Variants in MORC3 observed in about 807,000 individuals in gnomAD.
MORC3 encodes the protein MORC family CW-type zinc finger protein 3.
MORC3 carries 31 observed loss-of-function variants against 109.1 expected under a neutral mutation model. The observed-to-expected ratio is 0.28, with a 90% CI of 0.21 to 0.38. The LOEUF is 0.38. MORC3 is among the 10% of genes least tolerant of loss of function. MORC3 has a pLI of 1.00. For missense variants in MORC3, 867 were observed against 1,135.8 expected (o/e 0.76, Z 3.40); for synonymous variants, 395 against 380.7 (o/e 1.04, Z -0.44).
chr21:36,357,480 A>G (rs563917820), intron 10 of MORC3, among the ~76,000 whole-genome samples: 22 of 152,168 alleles, frequency 1.4e-4, no homozygotes, highest in African/African-American at 4.3e-4. Context: ...GCTGGTCTCA[A>G]TGTCCTGGGT....
At chr21:36,337,132 C>T (rs2085382906) in intron 3 of MORC3, 126 bp downstream of exon 3, 1 of 1,111,990 alleles carries the variant, frequency 9.0e-7, no homozygotes, top group Non-Finnish European at 1.2e-6. Context: ...GTGAGCTGTT[C>T]TCTAAGCATG....
In MORC3 at chr21:36,338,802, A is replaced by G. The variant is rs2085402871; in HGVS notation, c.489A>G (p.Lys163=). 1.2e-6 allele frequency: 2 copies of G among 1,613,812 alleles called. No individual in the cohort carries two copies. Among genetic ancestry groups the G allele is most frequent in the Non-Finnish European group, 1.7e-6 (2 of 1,179,850 alleles). The part of the protein sequence containing the change: ...HRQMINLAES[K]ASLAAILEHS... ...AGATGATTAATTTAGCAGAATCAAA[A>G]GCCAGCCTTGCTGCAATTCTGGAAC... The change falls in exon 5 of 17, where the codon AAA becomes AAG. Residue 163 remains lysine, a synonymous_variant. Coordinates refer to ENST00000400485, the MANE Select transcript of MORC3 (RefSeq NM_015358.3).
At chr21:36,345,173 CTG>C (rs1185847848) in intron 8 of MORC3, 142 bp downstream of exon 8, 6 of 902,024 alleles carry the variant, frequency 6.7e-6, no homozygotes, top group Non-Finnish European at 9.7e-6. Flanking sequence ...AAAAATAACA[CTG>C]TGGTATTTGA....
At chr21:36,321,886 A>G (rs2085198643) in intron 1 of MORC3, among the ~76,000 whole-genome samples, 1 of 151,976 alleles carries the variant, frequency 6.6e-6, no homozygotes, top group African/African-American at 2.4e-5. Flanking sequence ...GATTGAGGGG[A>G]GAAAGGAAGC....
intron 14 of MORC3, among the ~76,000 whole-genome samples, chr21:36,365,552 A>C (rs1161666009): frequency 1.3e-5 from 2 of 152,170 alleles, no homozygotes; most frequent in African/African-American, 4.8e-5. Context: ...TATAAATCAA[A>C]GAGGGCATAT....
chr21:36,365,636 C>T (rs2085772031), intron 14 of MORC3, among the ~76,000 whole-genome samples: 1 of 152,116 alleles, frequency 6.6e-6, no homozygotes, highest in Non-Finnish European at 1.5e-5. Flanking sequence ...AGCTGGAGTG[C>T]AATGGTGCAA....
chr21:36,328,821 T>C (rs1187817942), intron 1 of MORC3, among the ~76,000 whole-genome samples: 3 of 150,190 alleles, frequency 2.0e-5, no homozygotes, highest in Non-Finnish European at 4.4e-5. Context: ...CTGGGCCACA[T>C]TGGAAGAATT....
At chr21:36,321,691 C>T (rs1193288610) in intron 1 of MORC3, among the ~76,000 whole-genome samples, 1 of 152,082 alleles carries the variant, frequency 6.6e-6, no homozygotes, top group African/African-American at 2.4e-5. Flanking sequence ...TCTCTCCCTC[C>T]CTTTTCCCCC....
intron 9 of MORC3, among the ~76,000 whole-genome samples, chr21:36,353,030 T>C (rs140192645): frequency 0.011 from 1,625 of 151,674 alleles, 29 homozygotes; most frequent in African/African-American, 0.038. Context: ...AAATATATAC[T>C]GTATTCTTAA....
intron 12 of MORC3, 83 bp from the exon 13 acceptor site, chr21:36,362,100 C>A: frequency 1.4e-6 from 2 of 1,384,794 alleles, no homozygotes; most frequent in South Asian, 1.2e-5. Flanking sequence ...TTCAGAGTAC[C>A]TTAGTAACTG....
intron 9 of MORC3, among the ~76,000 whole-genome samples, chr21:36,352,395 G>A (rs1287767109): frequency 1.1e-5 from 1 of 87,240 alleles, no homozygotes; most frequent in African/African-American, 3.5e-5. Flanking sequence ...CAAAAAAAAG[G>A]GGTGGGGGGG....
At chr21:36,338,508 G>A (rs922267250) in intron 4 of MORC3, among the ~76,000 whole-genome samples, 1 of 151,918 alleles carries the variant, frequency 6.6e-6, no homozygotes, top group African/African-American at 2.4e-5. Context: ...AGCAACGTAG[G>A]GAGACCCTAT....
rs768242425 is a variant in MORC3, at chr21:36,362,239, C to CTT, written c.1452+12_1452+13dup. 6.3e-7 allele frequency: 1 copy of CTT among 1,576,482 alleles called. No homozygotes were observed. Among genetic ancestry groups the CTT allele is most frequent in the South Asian group, 1.2e-5 (1 of 84,020 alleles). ...GAAATGATCCCTCGGGTAATTAAGC[C>CTT]TTCTTTTTTTTTTTTTTTTTTAAAT... On this transcript the variant is annotated intron_variant, in intron 13 of 16. Transcript: ENST00000400485.
At chr21:36,353,389 G>A (rs1165290899) in intron 9 of MORC3, among the ~76,000 whole-genome samples, 3 of 147,636 alleles carry the variant, frequency 2.0e-5, no homozygotes, top group East Asian at 2.1e-4. Context: ...AATCATGGCC[G>A]GGTGCCGTGG....
intron 10 of MORC3, among the ~76,000 whole-genome samples, chr21:36,358,016 C>T (rs1282874191): frequency 1.3e-5 from 2 of 151,182 alleles, no homozygotes; most frequent in African/African-American, 4.8e-5. Flanking sequence ...GCTGGGATTA[C>T]AGGCGTGAGC....
At chr21:36,325,403 T>C (rs2085237794) in intron 1 of MORC3, among the ~76,000 whole-genome samples, 1 of 152,202 alleles carries the variant, frequency 6.6e-6, no homozygotes, top group African/African-American at 2.4e-5. Context: ...AAGAAAGGCG[T>C]ATCACATTGT....
At chr21:36,326,175 C>G (rs1406919823) in intron 1 of MORC3, among the ~76,000 whole-genome samples, 2 of 151,556 alleles carry the variant, frequency 1.3e-5, no homozygotes, top group Non-Finnish European at 2.9e-5. Context: ...CCATTGCACT[C>G]TAGCCTGGGC....
chr21:36,370,635 ATATATTTTTTTTTTTTTTTTTTTT>A (rs2085850268), intron 15 of MORC3, among the ~76,000 whole-genome samples: 1 of 42,004 alleles, frequency 2.4e-5, no homozygotes, highest in Non-Finnish European at 4.5e-5. Context: ...ATATATATAT[ATATATTTTTTTTTTTTTTTTTTTT>A]TTTTTTTTTT....
intron 8 of MORC3, among the ~76,000 whole-genome samples, chr21:36,345,886 G>C (rs1392632038): frequency 1.3e-5 from 2 of 152,046 alleles, no homozygotes; most frequent in Non-Finnish European, 2.9e-5. Context: ...GACTCTACCT[G>C]GCTGGAGTGC....
Sources: allele counts gnomAD v4.1 joint callset (sites outside exome capture counted in the v4.1 genomes callset), GRCh38; gene constraint gnomAD v4.1.1; transcripts MANE v1.5; gene names NCBI Gene and HGNC (gene_info 2026-07-23, HGNC 2026-07-21).